The following XKR9 variants were observed in gnomAD, a reference collection of about 807,000 sequenced individuals.
The protein encoded by XKR9 is XK related 9.
Under a neutral mutation model 32.0 loss-of-function variants are expected in XKR9, and 32 were observed. The observed-to-expected ratio is 1.00, with a 90% CI of 0.76 to 1.34. XKR9 has a LOEUF of 1.34. Ranked by LOEUF, XKR9 falls within the 40% of genes most tolerant of loss-of-function variation. The pLI, the probability that XKR9 is intolerant of heterozygous loss-of-function variation, is 0.00. For missense variants in XKR9, 546 were observed against 429.7 expected (o/e 1.27, Z -2.39); for synonymous variants, 168 against 143.4 (o/e 1.17, Z -1.22).
chr8:70,732,330 T>C (rs190157731), intron 4 of XKR9, among the ~76,000 whole-genome samples: 1 of 152,360 alleles, frequency 6.6e-6, no homozygotes, highest in Admixed American at 6.5e-5. Flanking sequence ...GTGAGGGGGC[T>C]ACAGTTACGG....
At chr8:70,748,576 CTG>C (rs1807090909) in intron 2 of XKR9, among the ~76,000 whole-genome samples, 1 of 152,190 alleles carries the variant, frequency 6.6e-6, no homozygotes, top group Non-Finnish European at 1.5e-5. Flanking sequence ...GAGGGTGGCT[CTG>C]TGCAGGTCTG....
At position 70,699,958 on chromosome 8, in the gene XKR9, C is replaced by T. The variant is rs530745352; in HGVS notation, c.273-6975C>T. ...TCATCTTCCATCACTGATACCCTTTCTTCCAGTTGATCGCATCAGCTCCTG... is the reference window on the plus strand; with the variant it reads ...TCATCTTCCATCACTGATACCCTTTTTTCCAGTTGATCGCATCAGCTCCTG... On this transcript the variant is annotated intron_variant, in intron 3 of 4. Coordinates refer to ENST00000408926, the MANE Select transcript of XKR9 (RefSeq NM_001011720.2). 2.4e-4 allele frequency among the ~76,000 whole-genome samples: 37 copies of T among 152,322 alleles called. 1 individual carries two copies. In the East Asian group the frequency reaches 6.7e-3, roughly 28 times the overall value.
chr8:70,765,687 A>G (rs977086639), intron 2 of XKR9, among the ~76,000 whole-genome samples: 10 of 152,302 alleles, frequency 6.6e-5, no homozygotes, highest in South Asian at 2.1e-4. Flanking sequence ...GCCTATGCCT[A>G]TGTCCTGAAT....
the XKR9 span, among the ~76,000 whole-genome samples, chr8:70,825,290 C>T: frequency 1.3e-5 from 2 of 151,984 alleles, no homozygotes; most frequent in Non-Finnish European, 2.9e-5. Flanking sequence ...TTTTCTTGTC[C>T]TTACTTCATT....
the XKR9 span, among the ~76,000 whole-genome samples, chr8:70,900,032 A>G: frequency 6.6e-6 from 1 of 152,104 alleles, no homozygotes; most frequent in South Asian, 2.1e-4. Context: ...TCATTTTTCC[A>G]CACTCATTGC....
At chr8:70,851,919 C>T in the XKR9 span, among the ~76,000 whole-genome samples, 1 of 152,100 alleles carries the variant, frequency 6.6e-6, no homozygotes, top group Non-Finnish European at 1.5e-5. Context: ...CAACAAAAGC[C>T]AAAATTGACA....
At chr8:70,794,823 T>TGTGTGTGTG (rs1807808191), downstream of XKR9, among the ~76,000 whole-genome samples, 2 of 147,586 alleles carry the variant, frequency 1.4e-5, no homozygotes, top group African/African-American at 5.0e-5. Context: ...TAGTCTTCTT[T>TGTGTGTGTG]TGTGTGTGTG....
chr8:70,917,529 T>C, the XKR9 span, among the ~76,000 whole-genome samples: 3 of 152,188 alleles, frequency 2.0e-5, no homozygotes, highest in Non-Finnish European at 4.4e-5. Flanking sequence ...CATTTTGACT[T>C]TTGATATTTT....
the XKR9 span, among the ~76,000 whole-genome samples, chr8:71,038,949 G>A: frequency 1.3e-5 from 2 of 151,122 alleles, no homozygotes; most frequent in East Asian, 2.0e-4. Flanking sequence ...GATTACAGGC[G>A]CACACCACCG....
At chr8:70,705,777 A>C (rs1805698525) in intron 3 of XKR9, among the ~76,000 whole-genome samples, 1 of 152,160 alleles carries the variant, frequency 6.6e-6, no homozygotes, top group South Asian at 2.1e-4. Context: ...TTTAATCTGA[A>C]TGCTGTGTAG....
the XKR9 span, among the ~76,000 whole-genome samples, chr8:71,008,996 T>C: frequency 2.0e-5 from 3 of 152,078 alleles, no homozygotes; most frequent in South Asian, 2.1e-4. Context: ...CACAATAAAG[T>C]TTGAGAACCA....
chr8:70,970,538 A>G, the XKR9 span, among the ~76,000 whole-genome samples: 33 of 151,884 alleles, frequency 2.2e-4, no homozygotes, highest in African/African-American at 7.7e-4. Flanking sequence ...TTCATTGTTC[A>G]TCTCCCACTT....
At chr8:70,757,278 G>C (rs555994105) in intron 2 of XKR9, among the ~76,000 whole-genome samples, 3 of 151,870 alleles carry the variant, frequency 2.0e-5, no homozygotes, top group African/African-American at 7.3e-5. Flanking sequence ...CCATATTTCT[G>C]TGAGGGTCTG....
At chr8:70,781,156 G>A (rs909126200) in intron 2 of XKR9, 2 of 151,908 alleles carry the variant, frequency 1.3e-5, no homozygotes, top group African/African-American at 4.8e-5. Flanking sequence ...CATTTCTTTA[G>A]CAACTAACAA....
In XKR9 at chr8:70,748,529, G is replaced by T. The variant is rs186121545; in HGVS notation, n.353-40810G>T. Among the ~76,000 whole-genome samples, 341 of 152,354 alleles carry T rather than the reference G, an allele frequency of 2.2e-3. 1 individual carries two copies. The highest frequency in any genetic ancestry group is 7.9e-3 in the African/African-American group (327 of 41,582). The stretch of plus-strand genomic sequence containing the variant: ...CAACCTTGGCTCCCTCTAGACTTTG[G>T]GTACTGACAAGCGTGGGAGGGAGGC... On this transcript the variant is annotated intron_variant and non_coding_transcript_variant, in intron 2 of 3. Transcript: ENST00000520273.
At chr8:70,720,042 T>A (rs904252914) in intron 4 of XKR9, among the ~76,000 whole-genome samples, 44 of 152,280 alleles carry the variant, frequency 2.9e-4, no homozygotes, top group African/African-American at 1.0e-3. Flanking sequence ...TTCCTAGGCA[T>A]TTTATTCTCT....
chr8:70,866,743 C>T, the XKR9 span, among the ~76,000 whole-genome samples: 1 of 151,868 alleles, frequency 6.6e-6, no homozygotes, highest in African/African-American at 2.4e-5. Context: ...CCTTGGCCTC[C>T]CAAAGTGCTG....
chr8:70,757,046 A>G (rs549149713), intron 2 of XKR9, among the ~76,000 whole-genome samples: 2 of 152,290 alleles, frequency 1.3e-5, no homozygotes, highest in African/African-American at 4.8e-5. Flanking sequence ...TGTTTTTATC[A>G]TGAAAGGGTA....
chr8:71,000,562 C>A, the XKR9 span, among the ~76,000 whole-genome samples: 1 of 152,006 alleles, frequency 6.6e-6, no homozygotes, highest in Non-Finnish European at 1.5e-5. Context: ...TAAAATGCAC[C>A]CCCCTTAAGC....
Sources: gnomAD v4.1 joint callset for allele counts (sites outside exome capture counted in the v4.1 genomes callset) on GRCh38, gnomAD v4.1.1 for gene constraint, MANE v1.5 for transcripts, NCBI Gene and HGNC (gene_info 2026-07-23, HGNC 2026-07-21) for gene names.